FBXL7: variants seen among roughly 807,000 people sequenced by gnomAD.
FBXL7 encodes the protein F-box and leucine rich repeat protein 7.
In FBXL7, 12 loss-of-function variants were observed where a neutral mutation model predicts 38.3. That is an observed-to-expected ratio of 0.31 (90% confidence interval 0.20 to 0.51). The LOEUF (loss-of-function observed/expected upper bound fraction) is 0.51. Among genes scored for constraint, FBXL7 ranks in the 20% least tolerant of loss-of-function variants. The pLI is 0.98. For missense variants in FBXL7, 567 were observed against 676.4 expected, an observed-to-expected ratio of 0.84 and a Z score of 1.79; for synonymous variants, 297 against 300.9, an observed-to-expected ratio of 0.99 and a Z score of 0.13.
chr5:15,823,522 A>G (rs552204659), intron 2 of FBXL7, among the ~76,000 whole-genome samples: 3 of 152,300 alleles, frequency 2.0e-5, no homozygotes, highest in South Asian at 2.1e-4. Flanking sequence ...ATCAAATCCA[A>G]CCTCTCATCA....
intron 2 of FBXL7, among the ~76,000 whole-genome samples, chr5:15,719,673 G>A (rs1486382009): frequency 1.3e-5 from 2 of 148,866 alleles, no homozygotes; most frequent in Admixed American, 1.4e-4. Context: ...CAGCTGGTTA[G>A]TTCTTTTGTG....
At chr5:15,561,408 G>A (rs1183609216) in intron 1 of FBXL7, among the ~76,000 whole-genome samples, 4 of 152,076 alleles carry the variant, frequency 2.6e-5, no homozygotes, top group Admixed American at 6.6e-5. Context: ...CCTTTTTTAA[G>A]GCTGAATCGT....
At chr5:15,816,813 GTGTTGATAA>G (rs1180829362) in intron 2 of FBXL7, among the ~76,000 whole-genome samples, 3 of 152,162 alleles carry the variant, frequency 2.0e-5, no homozygotes, top group Non-Finnish European at 4.4e-5. Context: ...GATGGCAACA[GTGTTGATAA>G]TCTATACACA....
At chr5:15,853,298 G>A (rs1456264864) in intron 2 of FBXL7, among the ~76,000 whole-genome samples, 1 of 152,090 alleles carries the variant, frequency 6.6e-6, no homozygotes, top group Non-Finnish European at 1.5e-5. Context: ...GAGATAGAGG[G>A]GCCATGAGCA....
At chr5:15,815,036 T>A (rs570659478) in intron 2 of FBXL7, among the ~76,000 whole-genome samples, 40 of 152,314 alleles carry the variant, frequency 2.6e-4, no homozygotes, top group African/African-American at 9.1e-4. Context: ...AAATGCACTC[T>A]TAATTGAGGC....
At chr5:15,888,733 T>G (rs1232672255) in intron 2 of FBXL7, among the ~76,000 whole-genome samples, 1 of 152,150 alleles carries the variant, frequency 6.6e-6, no homozygotes, top group Non-Finnish European at 1.5e-5. Context: ...TCTTGCATAT[T>G]TCCCTCTACT....
chr5:15,571,453 G>C (rs975938744), intron 1 of FBXL7, among the ~76,000 whole-genome samples: 4 of 152,164 alleles, frequency 2.6e-5, no homozygotes, highest in Non-Finnish European at 2.9e-5. Context: ...AAGATAGTCA[G>C]GTGGAAATAG....
At chr5:15,855,809 A>G (rs1739254545) in intron 2 of FBXL7, among the ~76,000 whole-genome samples, 1 of 152,204 alleles carries the variant, frequency 6.6e-6, no homozygotes, top group East Asian at 1.9e-4. Flanking sequence ...GGAGAGTTCC[A>G]TATTATCCAT....
chr5:15,587,520 C>T (rs1250616942), intron 1 of FBXL7, among the ~76,000 whole-genome samples: 2 of 152,044 alleles, frequency 1.3e-5, no homozygotes, highest in Admixed American at 6.6e-5. Flanking sequence ...GGTGGGAATC[C>T]GGTTTCCTTT....
intron 2 of FBXL7, among the ~76,000 whole-genome samples, chr5:15,791,012 G>C (rs373854426): frequency 2.0e-5 from 3 of 151,356 alleles, no homozygotes; most frequent in Non-Finnish European, 2.9e-5. Context: ...ACAGAGTATG[G>C]GCTGTGTAGC....
chr5:15,624,364 G>A (rs1357356294), intron 2 of FBXL7, among the ~76,000 whole-genome samples: 1 of 152,164 alleles, frequency 6.6e-6, no homozygotes, highest in Non-Finnish European at 1.5e-5. Flanking sequence ...ATTCCCATGA[G>A]AACAGATATT....
At chr5:15,515,121 A>G (rs1262953462) in intron 1 of FBXL7, among the ~76,000 whole-genome samples, 1 of 152,220 alleles carries the variant, frequency 6.6e-6, no homozygotes, top group South Asian at 2.1e-4. Context: ...CTGTTTTGGC[A>G]GTGGCCATGG....
chr5:15,576,136 G>A (rs549509376), intron 1 of FBXL7, among the ~76,000 whole-genome samples: 4 of 126,422 alleles, frequency 3.2e-5, no homozygotes, highest in Admixed American at 1.9e-4. Flanking sequence ...AGGCTGGAGT[G>A]CAATGGCGTG....
At chr5:15,534,537 A>G (rs1282852348) in intron 1 of FBXL7, among the ~76,000 whole-genome samples, 3 of 152,240 alleles carry the variant, frequency 2.0e-5, no homozygotes, top group African/African-American at 7.2e-5. Flanking sequence ...AATATCTGGA[A>G]GTACCACAAT....
At chr5:15,877,995 G>A (rs1048974102) in intron 2 of FBXL7, among the ~76,000 whole-genome samples, 7 of 152,262 alleles carry the variant, frequency 4.6e-5, no homozygotes, top group African/African-American at 1.7e-4. Flanking sequence ...CTAAAGGGGC[G>A]AGGTGCTGGG....
At chr5:15,814,885 G>GTGGCCTGGCGCTGTATGAA (rs1737973753) in intron 2 of FBXL7, among the ~76,000 whole-genome samples, 1 of 152,152 alleles carries the variant, frequency 6.6e-6, no homozygotes, top group Non-Finnish European at 1.5e-5. Context: ...GAGCACAGCA[G>GTGGCCTGGCGCTGTATGAA]TGGCCTGGCG....
At chr5:15,665,116 G>A (rs931132963) in intron 2 of FBXL7, among the ~76,000 whole-genome samples, 1 of 152,094 alleles carries the variant, frequency 6.6e-6, no homozygotes, top group Non-Finnish European at 1.5e-5. Flanking sequence ...TTTAATAAAA[G>A]AGAGATTCAG....
intron 2 of FBXL7, among the ~76,000 whole-genome samples, chr5:15,639,962 G>A (rs113489011): frequency 7.2e-5 from 11 of 151,996 alleles, no homozygotes; most frequent in South Asian, 2.1e-4. Context: ...GGTCTTTTCC[G>A]TAATTGAGGC....
intron 1 of FBXL7, among the ~76,000 whole-genome samples, chr5:15,520,503 C>T (rs757733109): frequency 2.6e-5 from 4 of 152,132 alleles, no homozygotes; most frequent in Non-Finnish European, 5.9e-5. Context: ...TATATGTATA[C>T]GTGCACTATT....
Sources: gnomAD v4.1 joint callset for allele counts (sites outside exome capture counted in the v4.1 genomes callset) on GRCh38, gnomAD v4.1.1 for gene constraint, MANE v1.5 for transcripts, NCBI Gene and HGNC (gene_info 2026-07-23, HGNC 2026-07-21) for gene names.